The following HELB variants were observed in gnomAD, a reference collection of about 807,000 sequenced individuals.
HELB encodes DNA 5'-3' helicase B.
HELB carries 96 observed loss-of-function variants against 101.7 expected under a neutral mutation model. The observed-to-expected ratio is 0.94, with a 90% CI of 0.80 to 1.12. The LOEUF (loss-of-function observed/expected upper bound fraction) is 1.12, where lower values mean the gene tolerates loss of function less well. Among genes scored for constraint, HELB ranks in the 50% most tolerant of loss-of-function variants. The pLI, the probability that HELB is intolerant of heterozygous loss-of-function variation, is 0.00. For missense variants in HELB, 1,210 were observed against 1,291.9 expected (o/e 0.94, Z 0.97); for synonymous variants, 437 against 459.7 (o/e 0.95, Z 0.63).
chr12:66,309,196 G>A (rs2053511131), intron 3 of HELB, among the ~76,000 whole-genome samples: 1 of 152,102 alleles, frequency 6.6e-6, no homozygotes, highest in South Asian at 2.1e-4. Flanking sequence ...TGAACAAAAT[G>A]TATACTACAA....
At chr12:66,323,798 A>G (rs894737202) in intron 9 of HELB, among the ~76,000 whole-genome samples, 185 bp from the exon 10 acceptor site, 2 of 152,234 alleles carry the variant, frequency 1.3e-5, no homozygotes, top group South Asian at 2.1e-4. Flanking sequence ...GGGAGTATGT[A>G]TAAATAATCA....
intron 12 of HELB, among the ~76,000 whole-genome samples, chr12:66,333,775 C>A (rs755399827): frequency 2.6e-5 from 4 of 152,142 alleles, no homozygotes; most frequent in Non-Finnish European, 4.4e-5. Flanking sequence ...GAGAGATGGG[C>A]AGGGCCACGG....
chr12:66,334,122 G>A (rs2053839445), intron 12 of HELB, among the ~76,000 whole-genome samples: 1 of 151,870 alleles, frequency 6.6e-6, no homozygotes, highest in East Asian at 1.9e-4. Context: ...ATTGCATCAT[G>A]GTACTCCAGC....
At chr12:66,313,187 A>C (rs1389410399) in intron 4 of HELB, among the ~76,000 whole-genome samples, 1 of 125,306 alleles carries the variant, frequency 8.0e-6, no homozygotes, top group African/African-American at 2.7e-5. Context: ...TAGACAGTTG[A>C]ATCTAGTTTT....
intron 12 of HELB, among the ~76,000 whole-genome samples, chr12:66,334,791 A>G (rs1334544734): frequency 6.6e-6 from 1 of 152,012 alleles, no homozygotes; most frequent in Non-Finnish European, 1.5e-5. Flanking sequence ...AAATAAATAA[A>G]TAAATAAATA....
At chr12:66,311,616 A>C (rs2053546232) in intron 4 of HELB, among the ~76,000 whole-genome samples, 1 of 152,248 alleles carries the variant, frequency 6.6e-6, no homozygotes. Context: ...TGGAAGTAAA[A>C]GGCCTATATT....
chr12:66,308,111 A>G (rs2136989326), intron 3 of HELB, among the ~76,000 whole-genome samples: 1 of 151,816 alleles, frequency 6.6e-6, no homozygotes, highest in African/African-American at 2.4e-5. Flanking sequence ...CTTCTGGATT[A>G]AGTGAACCCC....
intron 12 of HELB, among the ~76,000 whole-genome samples, chr12:66,337,721 G>A (rs1315928786): frequency 6.6e-6 from 1 of 152,042 alleles, no homozygotes; most frequent in Non-Finnish European, 1.5e-5. Flanking sequence ...ATTATGTAGT[G>A]GGCCCTGTCT....
At chr12:66,333,684 CAAAAA>C (rs1429799699) in intron 12 of HELB, among the ~76,000 whole-genome samples, 1 of 151,994 alleles carries the variant, frequency 6.6e-6, no homozygotes, top group Non-Finnish European at 1.5e-5. Flanking sequence ...AACTCTATCT[CAAAAA>C]CAAAACAAAA....
chr12:66,312,118 C>G (rs1025067237), intron 4 of HELB, among the ~76,000 whole-genome samples: 1 of 152,202 alleles, frequency 6.6e-6, no homozygotes, highest in Non-Finnish European at 1.5e-5. Context: ...TGACTTATCT[C>G]ATTACATCCT....
At chr12:66,328,751 A>G (rs1301783504) in intron 11 of HELB, among the ~76,000 whole-genome samples, 1 of 152,226 alleles carries the variant, frequency 6.6e-6, no homozygotes, top group Non-Finnish European at 1.5e-5. Context: ...TAAAATATAG[A>G]ATTTCAAAGA....
chr12:66,323,228 G>A (rs1027513487), intron 9 of HELB, among the ~76,000 whole-genome samples: 4 of 152,010 alleles, frequency 2.6e-5, no homozygotes, highest in Non-Finnish European at 5.9e-5. Flanking sequence ...CTCTTGAATT[G>A]ACCAATACCT....
chr12:66,327,564 CTGG>C (rs2053755993), intron 11 of HELB, among the ~76,000 whole-genome samples: 1 of 109,350 alleles, frequency 9.1e-6, no homozygotes, highest in African/African-American at 3.5e-5. Context: ...AGATATCTTT[CTGG>C]TTATTTCATG....
intron 4 of HELB, among the ~76,000 whole-genome samples, chr12:66,311,602 G>A (rs1370445405): frequency 6.6e-6 from 1 of 152,182 alleles, no homozygotes; most frequent in African/African-American, 2.4e-5. Context: ...AGTAACATTG[G>A]AAATGGAAGT....
Position 66,302,578 on chromosome 12 carries a change from T to G in HELB, c.-26T>G, listed in dbSNP as rs767418965. 6.2e-7 allele frequency: 1 copy of G among 1,601,170 alleles called. No homozygotes were observed. Among genetic ancestry groups the G allele is most frequent in the Non-Finnish European group, 8.5e-7 (1 of 1,169,728 alleles). ...TGCAGTTAGCCAGGGTTTTCCCGAG[T>G]TGTTTGGGTTGAGTTCAGGAGAAGC... On this transcript the variant is annotated 5_prime_UTR_variant, in exon 1 of 13. Coordinates refer to ENST00000247815, the MANE Select transcript of HELB (RefSeq NM_001370285.1).
chr12:66,331,764 T>G (rs1164306720), intron 12 of HELB, 119 bp downstream of exon 12: 2 of 1,006,576 alleles, frequency 2.0e-6, no homozygotes, highest in Non-Finnish European at 1.5e-6. Context: ...TAAAAACAAT[T>G]GTTTTTCTCA....
At chr12:66,341,536 A>G (rs2137024822), downstream of HELB, 1 of 152,288 alleles carries the variant, frequency 6.6e-6, no homozygotes, top group African/African-American at 2.4e-5. Context: ...AAATGTAAGA[A>G]TTCTTTACAT....
chr12:66,339,360 C>G (rs186634367), downstream of HELB: 6 of 151,520 alleles, frequency 4.0e-5, no homozygotes, highest in African/African-American at 9.7e-5. Flanking sequence ...AGGTTGGTCT[C>G]GAACTCCTGA....
At chr12:66,312,490 T>C (rs2053555934) in intron 4 of HELB, among the ~76,000 whole-genome samples, 1 of 152,202 alleles carries the variant, frequency 6.6e-6, no homozygotes, top group Non-Finnish European at 1.5e-5. Flanking sequence ...TTCAGTGTAG[T>C]TTATCAGTGG....
Sources: gnomAD v4.1 joint callset for allele counts (sites outside exome capture counted in the v4.1 genomes callset) on GRCh38, gnomAD v4.1.1 for gene constraint, MANE v1.5 for transcripts, NCBI Gene and HGNC (gene_info 2026-07-23, HGNC 2026-07-21) for gene names.